Variants in AP3B1 observed in about 807,000 individuals in gnomAD.
The protein encoded by AP3B1 is AP-3 complex subunit beta-1.
A neutral mutation model predicts 132.5 loss-of-function variants in AP3B1; 61 were observed. The ratio of observed to expected loss-of-function variants is 0.46; its 90% CI spans 0.37 to 0.57. The LOEUF (loss-of-function observed/expected upper bound fraction) is 0.57, where lower values mean the gene tolerates loss of function less well. Among genes scored for constraint, AP3B1 ranks in the 20% least tolerant of loss-of-function variants. The pLI is 0.00. For synonymous variants in AP3B1, 388 were observed against 438.3 expected, an observed-to-expected ratio of 0.89 and a Z score of 1.43; for missense variants, 1,120 against 1,289.4, an observed-to-expected ratio of 0.87 and a Z score of 2.01.
At chr5:78,242,349 C>T (rs1334565433) in intron 2 of AP3B1, among the ~76,000 whole-genome samples, 2 of 152,162 alleles carry the variant, frequency 1.3e-5, no homozygotes, top group Admixed American at 1.3e-4. Context: ...TACTCCTTCT[C>T]CCTTGCTACA....
intron 23 of AP3B1, among the ~76,000 whole-genome samples, chr5:78,038,040 G>A (rs536072802): frequency 6.6e-6 from 1 of 152,158 alleles, no homozygotes; most frequent in Non-Finnish European, 1.5e-5. Flanking sequence ...ACACTTTGTT[G>A]GAGAGACAAC....
chr5:78,207,776 A>C (rs1229553155), intron 7 of AP3B1, among the ~76,000 whole-genome samples: 1 of 152,214 alleles, frequency 6.6e-6, no homozygotes, highest in Non-Finnish European at 1.5e-5. Context: ...TCTTCACAGC[A>C]AAATTCATTG....
chr5:78,251,769 G>GC (rs1475023937), intron 2 of AP3B1, among the ~76,000 whole-genome samples: 1 of 152,170 alleles, frequency 6.6e-6, no homozygotes. Context: ...CATAAGAACT[G>GC]CAACTCTTTG....
intron 13 of AP3B1, among the ~76,000 whole-genome samples, chr5:78,161,256 A>G (rs576948965): frequency 6.6e-6 from 1 of 152,088 alleles, no homozygotes; most frequent in East Asian, 1.9e-4. Context: ...TAAAATCCAA[A>G]GCTTGAAATT....
chr5:78,288,126 T>A (rs1268023827), intron 1 of AP3B1, among the ~76,000 whole-genome samples: 1 of 152,166 alleles, frequency 6.6e-6, no homozygotes, highest in Non-Finnish European at 1.5e-5. Flanking sequence ...ATTTCAAAAT[T>A]CCAGCATTTC....
At chr5:78,029,482 A>G (rs1468062649) in intron 24 of AP3B1, among the ~76,000 whole-genome samples, 18 of 151,632 alleles carry the variant, frequency 1.2e-4, no homozygotes, top group Non-Finnish European at 7.4e-5. Context: ...CATAAATAGC[A>G]TATGTTAAAT....
chr5:78,247,482 T>C (rs1053764148), intron 2 of AP3B1, among the ~76,000 whole-genome samples: 14 of 151,416 alleles, frequency 9.2e-5, no homozygotes, highest in African/African-American at 3.4e-4. Flanking sequence ...TGTGAATTTG[T>C]CAATCTTTCC....
At chr5:78,175,466 T>C (rs1327723791) in intron 11 of AP3B1, among the ~76,000 whole-genome samples, 160 bp downstream of exon 11, 2 of 152,164 alleles carry the variant, frequency 1.3e-5, no homozygotes, top group Non-Finnish European at 2.9e-5. Flanking sequence ...GTACAGTAAT[T>C]AGTATATAAT....
At chr5:78,105,404 T>C (rs1489441491) in intron 20 of AP3B1, among the ~76,000 whole-genome samples, 1 of 152,144 alleles carries the variant, frequency 6.6e-6, no homozygotes, top group Non-Finnish European at 1.5e-5. Context: ...AAATAAATTT[T>C]TTCACCATCT....
chr5:78,087,754 C>T (rs1399143027), intron 22 of AP3B1: 5 of 928,196 alleles, frequency 5.4e-6, no homozygotes, highest in Non-Finnish European at 6.4e-6. Flanking sequence ...AAATTTACTA[C>T]AAGCTTTTCT....
intron 20 of AP3B1, among the ~76,000 whole-genome samples, chr5:78,101,734 T>C (rs1382638504): frequency 3.3e-5 from 5 of 152,056 alleles, no homozygotes; most frequent in African/African-American, 1.2e-4. Context: ...TGAACTAGAA[T>C]ACAGTGCCCC....
rs951540251 is a variant in AP3B1, at chr5:78,289,329, T to C, written c.128+5123A>G. Among the ~76,000 whole-genome samples the C allele has an allele frequency of 5.3e-5, 8 of 152,230 alleles. No individual in the cohort carries two copies. The East Asian group carries it at 1.3e-3, about 26-fold the overall frequency. Reference sequence around the variant, plus strand: ...AATAGAATTTTCATGTTTGATATTGTAAAGTTGACAATGAATAAGATTTAA... The same window carrying C: ...AATAGAATTTTCATGTTTGATATTGCAAAGTTGACAATGAATAAGATTTAA... On this transcript the variant is annotated intron_variant, in intron 1 of 26. Coordinates refer to ENST00000255194, the MANE Select transcript of AP3B1 (RefSeq NM_003664.5).
chr5:78,194,358 A>G (rs1043343724), intron 7 of AP3B1, among the ~76,000 whole-genome samples: 1 of 152,198 alleles, frequency 6.6e-6, no homozygotes, highest in Non-Finnish European at 1.5e-5. Context: ...TTACAAATGC[A>G]TGAAAAGGTT....
intron 7 of AP3B1, among the ~76,000 whole-genome samples, chr5:78,198,252 G>C (rs1450365628): frequency 1.3e-5 from 2 of 152,134 alleles, no homozygotes; most frequent in African/African-American, 4.8e-5. Flanking sequence ...TGAGACTCTT[G>C]CAAAATGTTT....
At chr5:78,116,981 A>ATC (rs1751867414) in intron 17 of AP3B1, among the ~76,000 whole-genome samples, 1 of 151,992 alleles carries the variant, frequency 6.6e-6, no homozygotes, top group Non-Finnish European at 1.5e-5. Context: ...TGCACAGCCC[A>ATC]ATACAACCAT....
At chr5:78,287,370 T>C (rs1041094075) in intron 1 of AP3B1, among the ~76,000 whole-genome samples, 1 of 152,182 alleles carries the variant, frequency 6.6e-6, no homozygotes, top group South Asian at 2.1e-4. Flanking sequence ...CAAGGAGATA[T>C]GCAAGCAAAG....
rs1177650305 is a variant in AP3B1, at chr5:78,294,442, T to C, written c.128+10A>G. ...CCTCCCATCCCCGCAACCCAAACCT[T>C]TCTCCTCACTTCTTCAAATCGCTGC... On this transcript the variant is annotated intron_variant, in intron 1 of 26. Coordinates refer to ENST00000255194, the MANE Select transcript of AP3B1 (RefSeq NM_003664.5). The C allele has an allele frequency of 6.8e-6, 11 of 1,614,056 alleles. No homozygotes were observed. In the South Asian group the frequency reaches 1.2e-4, roughly 18 times the overall value.
At chr5:78,174,358 A>T (rs1239538833) in intron 11 of AP3B1, among the ~76,000 whole-genome samples, 1 of 152,126 alleles carries the variant, frequency 6.6e-6, no homozygotes, top group Non-Finnish European at 1.5e-5. Flanking sequence ...GGTGACCTAG[A>T]GATGGGGTTT....
Position 78,039,202 on chromosome 5 carries a change from C to A in AP3B1, c.2650G>T (p.Ala884Ser). 2.5e-6 allele frequency: 4 copies of A among 1,614,054 alleles called. No individual in the cohort carries two copies. The highest frequency in any genetic ancestry group is 3.4e-6 in the Non-Finnish European group (4 of 1,180,012). The change falls in exon 23 of 27, where the codon GCC (alanine) becomes TCC (serine). Residue 884 changes from alanine (A) to serine (S), a missense_variant. By Grantham distance (99) the Ala-to-Ser change is moderately conservative (BLOSUM62 1). This residue lies in a region of AP3B1 where 906 missense variants were observed against 997.1 expected (regional missense o/e 0.91). Coordinates refer to ENST00000255194, the MANE Select transcript of AP3B1 (RefSeq NM_003664.5). ...GGCTGTCTTGGAAAGAAATAATGGG[C>A]AGCTAGTCCTTTTCCACTCATTCGA... ...LHRMSGKGLA[A>S]HYFFPRQPCI...
Sources: gnomAD v4.1 joint callset for allele counts (sites outside exome capture counted in the v4.1 genomes callset) on GRCh38, gnomAD v4.1.1 for gene constraint, gnomAD v4.1.1 regional missense constraint, MANE v1.5 for transcripts, NCBI Gene and HGNC (gene_info 2026-07-23, HGNC 2026-07-21) for gene names.